The following IFT140 variants were observed in gnomAD, a reference collection of about 807,000 sequenced individuals.
IFT140 encodes the protein intraflagellar transport protein 140 homolog.
A neutral mutation model predicts 164.6 loss-of-function variants in IFT140; 133 were observed. That is an observed-to-expected ratio of 0.81 (90% CI 0.70 to 0.93). The LOEUF (loss-of-function observed/expected upper bound fraction) is 0.93, where lower values mean the gene tolerates loss of function less well. Among genes scored for constraint, IFT140 ranks in the 40% least tolerant of loss-of-function variants. The pLI, the probability that IFT140 is intolerant of heterozygous loss-of-function variation, is 0.00. For synonymous variants in IFT140, 860 were observed against 817.3 expected (o/e 1.05, Z -0.89); for missense variants, 2,045 against 1,972.3 (o/e 1.04, Z -0.70).
intron 4 of IFT140, among the ~76,000 whole-genome samples, chr16:1,601,880 G>A (rs28576469): frequency 0.029 from 4,435 of 152,328 alleles, 213 homozygotes; most frequent in African/African-American, 0.1. Context: ...TAACATTTCT[G>A]CCATATATTT....
intron 19 of IFT140, among the ~76,000 whole-genome samples, chr16:1,552,587 C>T (rs933910673): frequency 5.9e-5 from 9 of 151,836 alleles, no homozygotes; most frequent in African/African-American, 2.2e-4. Flanking sequence ...GCAGAGGGCA[C>T]ATTCCGCACT....
In IFT140 at chr16:1,589,626, G is replaced by C. The variant is rs376614085; in HGVS notation, c.789C>G (p.Gly263=). The C allele has an allele frequency of 6.2e-7, 1 of 1,614,052 alleles. No homozygotes were observed. The highest frequency in any genetic ancestry group is 1.1e-5 in the South Asian group (1 of 91,074). Residue 263 remains glycine (G), a synonymous_variant, in exon 7 of 31, where the codon GGC becomes GGG. Coordinates refer to ENST00000426508, the MANE Select transcript of IFT140 (RefSeq NM_014714.4). ...TCACCTTCATCACTTCTTCTGCTTT[G>C]CCCTCAGGAGGCACCGTGTACAGGG... ...RLSLYTVPPE[G]KAEEVMKVKL...
rs773768491 is a variant in IFT140 at position 1,592,572 on chromosome 16, A to C, written c.386T>G (p.Leu129Trp). Reference sequence around the variant, plus strand: ...TCGGCCCCTTTGGTCCAACCTCCACAAGAGCAAGACACCAAGCTGGAAAGA... The same window carrying C: ...TCGGCCCCTTTGGTCCAACCTCCACCAGAGCAAGACACCAAGCTGGAAAGA... ...LSGDRLGVLL[L>W]WRLDQRGRVQ... is the part of the protein sequence containing the mutation. The change falls in exon 5 of 31, where the codon TTG (leucine) becomes TGG (tryptophan). Residue 129 changes from leucine (L) to tryptophan (W), a missense_variant. By Grantham distance (61) the Leu-to-Trp change is moderately conservative. Transcript: ENST00000426508. 24 of 1,614,012 alleles carry C rather than the reference A, an allele frequency of 1.5e-5. 1 individual carries two copies. In the Admixed American group the frequency reaches 4.0e-4, roughly 27 times the overall value.
In IFT140 at chr16:1,584,429, C is replaced by G; in HGVS notation, c.1156-9G>C. Reference sequence around the variant, plus strand: ...TTCTTCCTGGAACCCCACTTCATTTCCAGGTTGCAAGAGAAAGAACCAGAT... The same window carrying G: ...TTCTTCCTGGAACCCCACTTCATTTGCAGGTTGCAAGAGAAAGAACCAGAT... On this transcript the variant is annotated splice_polypyrimidine_tract_variant and intron_variant, in intron 10 of 30. Transcript: ENST00000426508. The G allele has an allele frequency of 6.3e-7, 1 of 1,593,452 alleles. No individual in the cohort carries two copies. Among genetic ancestry groups the G allele is most frequent in the Non-Finnish European group, 8.5e-7 (1 of 1,171,264 alleles).
At chr16:1,524,418 G>C in intron 24 of IFT140, 134 bp downstream of exon 24, 1 of 1,203,264 alleles carries the variant, frequency 8.3e-7, no homozygotes, top group Non-Finnish European at 1.1e-6. Context: ...TGAGGCAGAC[G>C]GGGTGAGCAG....
At chr16:1,521,838 C>A (rs1047465911) in intron 26 of IFT140, among the ~76,000 whole-genome samples, 1 of 146,144 alleles carries the variant, frequency 6.8e-6, no homozygotes, top group African/African-American at 2.6e-5. Context: ...CTGGGCAACA[C>A]AGTCAGACCC....
intron 3 of IFT140, among the ~76,000 whole-genome samples, chr16:1,605,578 G>C (rs1213184228): frequency 6.6e-6 from 1 of 152,042 alleles, no homozygotes; most frequent in Non-Finnish European, 1.5e-5. Context: ...GCTAATTCTT[G>C]TATTTTTAGT....
At chr16:1,514,913 A>C (rs2040296702) in intron 30 of IFT140, among the ~76,000 whole-genome samples, 1 of 152,202 alleles carries the variant, frequency 6.6e-6, no homozygotes, top group African/African-American at 2.4e-5. Flanking sequence ...AGGGAATTTT[A>C]GCCAATAAAT....
Position 1,523,510 on chromosome 16 carries a change from C to A in IFT140, c.3453+8G>T. 1 of 1,607,614 alleles carries A rather than the reference C, an allele frequency of 6.2e-7. No individual in the cohort carries two copies. The highest frequency in any genetic ancestry group is 1.7e-5 in the Admixed American group (1 of 59,990). Reference sequence around the variant, plus strand: ...TGGAGCCGAGCCCAGGCCCCGCTGGCCCCGTACCTTCCTGGCAGCCAGCAG... The same window carrying A: ...TGGAGCCGAGCCCAGGCCCCGCTGGACCCGTACCTTCCTGGCAGCCAGCAG... On this transcript the variant is annotated splice_region_variant and intron_variant, in intron 26 of 30. Coordinates refer to ENST00000426508, the MANE Select transcript of IFT140 (RefSeq NM_014714.4).
intron 7 of IFT140, among the ~76,000 whole-genome samples, chr16:1,588,541 A>G (rs867417736): frequency 3.3e-5 from 5 of 151,102 alleles, no homozygotes; most frequent in Admixed American, 6.6e-5. Flanking sequence ...AATAATAATA[A>G]TAATAATAGT....
In IFT140 at chr16:1,580,826, A is replaced by G; in HGVS notation, c.1457T>C (p.Val486Ala). The G allele has an allele frequency of 6.2e-7, 1 of 1,613,694 alleles. No homozygotes were observed. Among genetic ancestry groups the G allele is most frequent in the East Asian group, 2.2e-5 (1 of 44,870 alleles). Residue 486 changes from valine (V) to alanine (A), a missense_variant, in exon 13 of 31, where the codon GTG (valine) becomes GCG (alanine). Physicochemically the swap from Val to Ala is moderately conservative, Grantham distance 64. Transcript: ENST00000426508. ...AACGTTTTCTTCATGCATTGCTAAC[A>G]CAGGCGTCTCACACAAGAAGGTCCC... Reference protein sequence around the residue: ...SAGTFLCETPVLAMHEENVYT... With the variant: ...SAGTFLCETPALAMHEENVYT...
chr16:1,590,670 C>A (rs2035133452), intron 6 of IFT140, among the ~76,000 whole-genome samples: 1 of 152,202 alleles, frequency 6.6e-6, no homozygotes, highest in Non-Finnish European at 1.5e-5. Flanking sequence ...GACTCAGGCT[C>A]ATTTTTGCTG....
intron 14 of IFT140, 125 bp downstream of exon 14, chr16:1,571,282 T>A (rs1450432339): frequency 3.0e-5 from 25 of 829,858 alleles, no homozygotes; most frequent in Non-Finnish European, 4.5e-5. Flanking sequence ...AGAGCACAAG[T>A]GGCATGTCGG....
chr16:1,593,763 C>T (rs2035311721), intron 4 of IFT140, among the ~76,000 whole-genome samples: 1 of 152,120 alleles, frequency 6.6e-6, no homozygotes, highest in Non-Finnish European at 1.5e-5. Flanking sequence ...GGCATTGTCA[C>T]TGCCGGCATT....
chr16:1,562,271 C>T (rs2033456732), intron 17 of IFT140, among the ~76,000 whole-genome samples, 155 bp from the exon 18 acceptor site: 1 of 151,894 alleles, frequency 6.6e-6, no homozygotes, highest in Non-Finnish European at 1.5e-5. Context: ...TTGATTACAC[C>T]ACCTTTTATC....
At chr16:1,580,257 CT>C (rs1214198511) in intron 13 of IFT140, 1 of 152,936 alleles carries the variant, frequency 6.5e-6, no homozygotes, top group African/African-American at 2.4e-5. Context: ...CATCAAGCAC[CT>C]GACGCGGGAA....
intron 30 of IFT140, among the ~76,000 whole-genome samples, chr16:1,517,773 G>A (rs1385302109): frequency 1.3e-5 from 2 of 152,176 alleles, no homozygotes; most frequent in Non-Finnish European, 2.9e-5. Context: ...TAAGTCTGTC[G>A]CTTTCCTGCG....
intron 30 of IFT140, among the ~76,000 whole-genome samples, chr16:1,517,761 A>C (rs935748252): frequency 6.6e-6 from 1 of 152,244 alleles, no homozygotes; most frequent in Non-Finnish European, 1.5e-5. Context: ...TCACAAATAA[A>C]GTAAGTCTGT....
intron 3 of IFT140, among the ~76,000 whole-genome samples, chr16:1,603,167 T>C (rs1182929488): frequency 6.6e-6 from 1 of 152,160 alleles, no homozygotes; most frequent in Non-Finnish European, 1.5e-5. Flanking sequence ...CTTGTCATGA[T>C]GTGCCACCTC....
Sources: allele counts gnomAD v4.1 joint callset (sites outside exome capture counted in the v4.1 genomes callset), GRCh38; gene constraint gnomAD v4.1.1; transcripts MANE v1.5; gene names NCBI Gene and HGNC (gene_info 2026-07-23, HGNC 2026-07-21).